Variants in SBF2 observed in about 807,000 individuals in gnomAD.
SBF2 encodes myotubularin-related protein 13.
Under a neutral mutation model 225.2 loss-of-function variants are expected in SBF2, and 112 were observed. The ratio of observed to expected loss-of-function variants is 0.50; its 90% confidence interval spans 0.43 to 0.58. The LOEUF (loss-of-function observed/expected upper bound fraction) is 0.58, where lower values mean the gene tolerates loss of function less well. Among genes scored for constraint, SBF2 ranks in the 20% least tolerant of loss-of-function variants. The probability of loss-of-function intolerance (pLI) is 0.00; values close to 1 mark genes in which losing one functional copy is unlikely to be tolerated. For missense variants in SBF2, 1,996 were observed against 2,206.2 expected (o/e 0.90, Z 1.91); for synonymous variants, 763 against 773.3 (o/e 0.99, Z 0.22).
intron 16 of SBF2, among the ~76,000 whole-genome samples, chr11:9,954,412 G>C (rs544287853): frequency 1.3e-5 from 2 of 152,126 alleles, no homozygotes; most frequent in Non-Finnish European, 2.9e-5. Context: ...GTACGTTGTT[G>C]CATCAAGAAT....
intron 16 of SBF2, among the ~76,000 whole-genome samples, chr11:9,914,922 A>G (rs2134200263): frequency 1.0e-5 from 1 of 99,576 alleles, no homozygotes; most frequent in Middle Eastern, 7.8e-3. Context: ...GGGGCTATAG[A>G]TGTGCGGGGG....
chr11:10,264,732 C>G (rs913608430), intron 1 of SBF2, among the ~76,000 whole-genome samples: 3 of 151,944 alleles, frequency 2.0e-5, no homozygotes, highest in African/African-American at 7.3e-5. Context: ...TATCCCTCCC[C>G]TAGCCCCCCA....
chr11:10,191,492 A>G (rs767272941), intron 2 of SBF2, among the ~76,000 whole-genome samples: 16 of 152,244 alleles, frequency 1.1e-4, no homozygotes, highest in Non-Finnish European at 2.4e-4. Flanking sequence ...ATAGACATTA[A>G]AGAATTGAAA....
At chr11:10,174,305 G>A (rs1425695981) in intron 2 of SBF2, among the ~76,000 whole-genome samples, 3 of 152,128 alleles carry the variant, frequency 2.0e-5, no homozygotes, top group African/African-American at 7.2e-5. Flanking sequence ...CCAATACAGA[G>A]AAGTGCTTAA....
chr11:10,169,897 G>A (rs184208141), intron 2 of SBF2, among the ~76,000 whole-genome samples: 77 of 152,188 alleles, frequency 5.1e-4, no homozygotes, highest in Admixed American at 1.8e-3. Context: ...ATGGTATCTC[G>A]TTGTAGTTTT....
chr11:10,101,820 T>C (rs1448932462), intron 2 of SBF2, among the ~76,000 whole-genome samples: 5 of 152,132 alleles, frequency 3.3e-5, no homozygotes, highest in African/African-American at 1.2e-4. Flanking sequence ...TTCAGTGTCG[T>C]TCTGTAATGG....
exon 1 of SBF2, chr11:10,304,769 G>C (rs1270407674): frequency 6.6e-6 from 1 of 152,362 alleles, no homozygotes; most frequent in Admixed American, 6.5e-5. Context: ...AGGACCTCAA[G>C]AGGTTGTAGT....
intron 1 of SBF2, among the ~76,000 whole-genome samples, chr11:10,194,747 G>A (rs544422892): frequency 2.0e-4 from 31 of 152,264 alleles, no homozygotes; most frequent in African/African-American, 7.5e-4. Flanking sequence ...CTGACCTCAA[G>A]TGGTCCACCT....
At chr11:9,898,962 G>T (rs560285304) in intron 16 of SBF2, among the ~76,000 whole-genome samples, 1 of 152,042 alleles carries the variant, frequency 6.6e-6, no homozygotes, top group East Asian at 1.9e-4. Flanking sequence ...ATCAAGATGG[G>T]GAAGGAGAAC....
chr11:9,867,483 G>C lies in SBF2; in HGVS notation c.1930-9087C>G, dbSNP rs926829506. Among the ~76,000 whole-genome samples, 34 of 152,264 alleles carry C rather than the reference G, an allele frequency of 2.2e-4. No individual in the cohort carries two copies. The East Asian group carries it at 4.8e-3, about 22-fold the overall frequency. ...AGCCATTATGCAAAAACAGTAGTGA[G>C]ATTCCTTAAAAAACTAACAGTAGAT... On this transcript the variant is annotated intron_variant, in intron 17 of 39. Coordinates refer to ENST00000256190, the MANE Select transcript of SBF2 (RefSeq NM_030962.4).
chr11:9,958,812 A>G (rs1409952070), intron 16 of SBF2: 4 of 552,350 alleles, frequency 7.2e-6, no homozygotes, highest in Admixed American at 4.6e-5. Context: ...GTCACCGAAA[A>G]TGGGTCACAG....
At chr11:10,293,916 C>CTCCCCGACGCCCG (rs555948090) in intron 1 of SBF2, 99 bp downstream of exon 1, 32 of 791,994 alleles carry the variant, frequency 4.0e-5, no homozygotes, top group South Asian at 3.9e-4. Context: ...CGGCCTGGCC[C>CTCCCCGACGCCCG]TCCCCGACGC....
intron 1 of SBF2, among the ~76,000 whole-genome samples, chr11:10,279,048 T>C (rs1263799570): frequency 7.0e-6 from 1 of 142,706 alleles, no homozygotes; most frequent in Non-Finnish European, 1.5e-5. Context: ...CAGTGAGCTA[T>C]GATCGCACTT....
At chr11:10,196,019 T>G (rs1007277527) in intron 1 of SBF2, among the ~76,000 whole-genome samples, 4 of 152,208 alleles carry the variant, frequency 2.6e-5, no homozygotes, top group African/African-American at 9.6e-5. Context: ...AAGGAACTCA[T>G]AATCAATTCG....
intron 36 of SBF2, among the ~76,000 whole-genome samples, chr11:9,787,363 C>G (rs180725038): frequency 6.6e-6 from 1 of 152,262 alleles, no homozygotes; most frequent in East Asian, 1.9e-4. Flanking sequence ...ACCACACGGG[C>G]ACTGAGATAG....
In SBF2 at chr11:9,853,619, A is replaced by G. The variant is rs746363004; in HGVS notation, c.2457T>C (p.Ile819=). 1 of 1,613,996 alleles carries G rather than the reference A, an allele frequency of 6.2e-7. No individual in the cohort carries two copies. The highest frequency in any genetic ancestry group is 8.5e-7 in the Non-Finnish European group (1 of 1,179,922). The change falls in exon 20 of 40, where the codon ATT becomes ATC. Residue 819 remains isoleucine (I), a synonymous_variant. Coordinates refer to ENST00000256190, the MANE Select transcript of SBF2 (RefSeq NM_030962.4). ...TDIANSVVRF[I]TRFIDKVCTE... is the part of the protein sequence containing the mutation. ...TACAAACTTTGTCAATAAATCGGGTAATGAACCGCACAACAGAATTGGCAA... is the reference window on the plus strand; with the variant it reads ...TACAAACTTTGTCAATAAATCGGGTGATGAACCGCACAACAGAATTGGCAA...
chr11:9,876,009 A>T (rs1203529943), intron 17 of SBF2, among the ~76,000 whole-genome samples: 1 of 152,166 alleles, frequency 6.6e-6, no homozygotes, highest in Non-Finnish European at 1.5e-5. Context: ...ACGGAAGAAA[A>T]GAAACATAAC....
intron 3 of SBF2, among the ~76,000 whole-genome samples, chr11:10,037,762 C>T (rs1445053591): frequency 8.4e-6 from 1 of 119,594 alleles, no homozygotes; most frequent in African/African-American, 3.3e-5. Context: ...TGATAAAGAG[C>T]GGGATGGTGG....
intron 6 of SBF2, among the ~76,000 whole-genome samples, chr11:10,022,878 G>C (rs1279884408): frequency 6.6e-6 from 1 of 152,100 alleles, no homozygotes; most frequent in Non-Finnish European, 1.5e-5. Flanking sequence ...TCTTGGTGCA[G>C]TTTAATGTGT....
Sources: gnomAD v4.1 joint callset for allele counts (sites outside exome capture counted in the v4.1 genomes callset) on GRCh38, gnomAD v4.1.1 for gene constraint, MANE v1.5 for transcripts, NCBI Gene and HGNC (gene_info 2026-07-23, HGNC 2026-07-21) for gene names.